Variants in RIC8B observed in about 807,000 individuals in gnomAD.
RIC8B encodes the protein RIC8 guanine nucleotide exchange factor B, also known as chaperone Ric-8B.
A neutral mutation model predicts 57.5 loss-of-function variants in RIC8B; 16 were observed. That is an observed-to-expected ratio of 0.28 (90% CI 0.19 to 0.42). The LOEUF (loss-of-function observed/expected upper bound fraction) is 0.42, where lower values mean the gene tolerates loss of function less well. Among genes scored for constraint, RIC8B ranks in the 10% least tolerant of loss-of-function variants. The pLI is 1.00. For synonymous variants in RIC8B, 216 were observed against 250.8 expected, an observed-to-expected ratio of 0.86 and a Z score of 1.31; for missense variants, 481 against 677.0, an observed-to-expected ratio of 0.71 and a Z score of 3.21.
At position 106,777,933 on chromosome 12, in the gene RIC8B, T is replaced by C. The variant is rs887985400; in HGVS notation, c.84+3104T>C. ...AGCCAGCCTGGCTATGATCCTCAAC[T>C]TAATGGCTTGTGTGACCCTAAACGA... On this transcript the variant is annotated intron_variant, in intron 1 of 9. Coordinates refer to ENST00000392837, the MANE Select transcript of RIC8B (RefSeq NM_001330145.2). 2.6e-5 allele frequency among the ~76,000 whole-genome samples: 4 copies of C among 152,222 alleles called. No homozygotes were observed. The East Asian group carries it at 5.8e-4, about 22-fold the overall frequency.
At chr12:106,795,446 G>T (rs1432319152) in intron 2 of RIC8B, among the ~76,000 whole-genome samples, 3 of 152,138 alleles carry the variant, frequency 2.0e-5, no homozygotes, top group Non-Finnish European at 4.4e-5. Context: ...AGCCAGCAGC[G>T]GATGTGCCAG....
At chr12:106,831,144 C>G (rs1178933989) in intron 4 of RIC8B, among the ~76,000 whole-genome samples, 1 of 152,144 alleles carries the variant, frequency 6.6e-6, no homozygotes, top group Non-Finnish European at 1.5e-5. Context: ...TTACCATGTC[C>G]TGCCAGTCTT....
At chr12:106,831,786 C>T (rs1203574196) in intron 4 of RIC8B, among the ~76,000 whole-genome samples, 2 of 152,170 alleles carry the variant, frequency 1.3e-5, no homozygotes, top group African/African-American at 2.4e-5. Context: ...TCTCTGGTTG[C>T]GTTGTATTGG....
intron 2 of RIC8B, among the ~76,000 whole-genome samples, chr12:106,792,298 A>C (rs2044293545): frequency 6.6e-6 from 1 of 152,196 alleles, no homozygotes; most frequent in South Asian, 2.1e-4. Flanking sequence ...GATGTTTTCC[A>C]TGGCACTGGA....
rs139376823 is a variant in RIC8B at position 106,889,277 on chromosome 12, G to A, written c.*3262G>A. ...TATCCTGCTTTCTTTAACATATTGT[G>A]AGCATTTTCCCATGTCAATAAATAT... On this transcript the variant is annotated 3_prime_UTR_variant, in exon 10 of 10. Coordinates refer to ENST00000392837, the MANE Select transcript of RIC8B (RefSeq NM_001330145.2). 6.6e-6 allele frequency: 1 copy of A among 152,144 alleles called. No homozygotes were observed. Among genetic ancestry groups the A allele is most frequent in the Non-Finnish European group, 1.5e-5 (1 of 68,004 alleles). 9.4% of individuals were successfully genotyped at this position (152,144 alleles called of 1,614,324 possible).
At position 106,843,901 on chromosome 12, in the gene RIC8B, A is replaced by G; in HGVS notation, c.1115A>G (p.Glu372Gly). ...ACTCCAGTTCTCAGCTTATTAACCG[A>G]ATGTTCCCGAGCCCATCGAAACATC... ...GLTPVLSLLT[E>G]CSRAHRNIRK... is the part of the protein sequence containing the mutation. The change falls in exon 6 of 10, where the codon GAA becomes GGA. Residue 372 changes from glutamate (E) to glycine (G), a missense_variant. This residue lies in a region of RIC8B where 421 missense variants were observed against 560.9 expected (regional missense o/e 0.75). Coordinates refer to ENST00000392837, the MANE Select transcript of RIC8B (RefSeq NM_001330145.2). 3 of 1,613,978 alleles carry G rather than the reference A, an allele frequency of 1.9e-6. No homozygotes were observed. The highest frequency in any genetic ancestry group is 1.7e-6 in the Non-Finnish European group (2 of 1,179,966).
chr12:106,792,202 G>C (rs528577047), intron 2 of RIC8B, among the ~76,000 whole-genome samples: 16 of 152,304 alleles, frequency 1.1e-4, no homozygotes, highest in Non-Finnish European at 1.6e-4. Context: ...ACTTAGGTCT[G>C]GGTTGTATCA....
In RIC8B at chr12:106,845,814, C is replaced by T. The variant is rs183983033; in HGVS notation, c.1161+1867C>T. Among the ~76,000 whole-genome samples, 37 of 152,250 alleles carry T rather than the reference C, an allele frequency of 2.4e-4. 1 individual carries two copies. In the East Asian group the frequency reaches 6.0e-3, roughly 25 times the overall value. On this transcript the variant is annotated intron_variant, in intron 6 of 9. Transcript: ENST00000392837. ...AACCCTCTGTAGGCTACATGCCTTC[C>T]GCCCCACTGCAAAGGTGTTTATCAG...
At chr12:106,824,446 C>T (rs1180388476) in intron 3 of RIC8B, among the ~76,000 whole-genome samples, 2 of 152,152 alleles carry the variant, frequency 1.3e-5, no homozygotes, top group East Asian at 3.8e-4. Flanking sequence ...TTATGGTCCA[C>T]ATTATGAGTT....
chr12:106,817,237 A>ATGAAACTTC (rs578219518), intron 3 of RIC8B, among the ~76,000 whole-genome samples: 47 of 152,202 alleles, frequency 3.1e-4, no homozygotes, highest in Non-Finnish European at 5.6e-4. Flanking sequence ...CTTTGCCTTC[A>ATGAAACTTC]TGAAACTTCA....
At chr12:106,803,215 C>CAAAAAAA (rs55853235) in intron 2 of RIC8B, among the ~76,000 whole-genome samples, 5 of 84,002 alleles carry the variant, frequency 6.0e-5, no homozygotes, top group African/African-American at 1.5e-4. Context: ...TACCCTGTCT[C>CAAAAAAA]AAAAAAAAAA....
At chr12:106,779,672 CA>C (rs893708022) in intron 1 of RIC8B, among the ~76,000 whole-genome samples, 6 of 137,908 alleles carry the variant, frequency 4.4e-5, no homozygotes, top group African/African-American at 1.4e-4. Flanking sequence ...CAGACACACA[CA>C]AAAAAAAATT....
intron 2 of RIC8B, among the ~76,000 whole-genome samples, chr12:106,792,794 A>T (rs1227208722): frequency 6.6e-6 from 1 of 151,930 alleles, no homozygotes; most frequent in African/African-American, 2.4e-5. Context: ...ACAGAGTGAG[A>T]CCCTATCTCT....
At chr12:106,871,026 A>G in intron 9 of RIC8B, 84 bp downstream of exon 9, 3 of 1,341,190 alleles carry the variant, frequency 2.2e-6, no homozygotes, top group Non-Finnish European at 3.0e-6. Flanking sequence ...ACCATAGAAC[A>G]GCAACTCTGG....
chr12:106,798,142 C>T (rs926039158), intron 2 of RIC8B: 16 of 595,970 alleles, frequency 2.7e-5, no homozygotes, highest in African/African-American at 2.3e-4. Context: ...TTAGGCATAT[C>T]GTAGATCTTT....
intron 9 of RIC8B, chr12:106,874,532 C>T (rs1230516518): frequency 1.3e-5 from 20 of 1,551,050 alleles, no homozygotes; most frequent in Middle Eastern, 3.3e-4. Flanking sequence ...AACAGTGGCC[C>T]GTGCCAAAGC....
chr12:106,818,721 T>A (rs1369476139), intron 3 of RIC8B, among the ~76,000 whole-genome samples: 1 of 152,192 alleles, frequency 6.6e-6, no homozygotes, highest in Admixed American at 6.5e-5. Context: ...GTAGTTGAGA[T>A]TACAGATGTA....
chr12:106,781,383 C>T (rs974048565), intron 1 of RIC8B, among the ~76,000 whole-genome samples: 1 of 152,170 alleles, frequency 6.6e-6, no homozygotes, highest in Non-Finnish European at 1.5e-5. Flanking sequence ...TTCTCTCTTT[C>T]CCCATTTCAG....
intron 1 of RIC8B, among the ~76,000 whole-genome samples, chr12:106,777,052 G>A (rs1327525278): frequency 3.9e-5 from 6 of 152,246 alleles, no homozygotes; most frequent in African/African-American, 1.4e-4. Context: ...TTGTAGAGAT[G>A]GGGTCTCACT....
Sources: gnomAD v4.1 joint callset for allele counts (sites outside exome capture counted in the v4.1 genomes callset) on GRCh38, gnomAD v4.1.1 for gene constraint, gnomAD v4.1.1 regional missense constraint, MANE v1.5 for transcripts, NCBI Gene and HGNC (gene_info 2026-07-23, HGNC 2026-07-21) for gene names.